SVIL: variants seen among roughly 807,000 people sequenced by gnomAD.
The protein encoded by SVIL is supervillin.
A neutral mutation model predicts 240.4 loss-of-function variants in SVIL; 101 were observed. The observed-to-expected ratio is 0.42, with a 90% confidence interval of 0.36 to 0.50. The LOEUF is 0.50. Among genes scored for constraint, SVIL ranks in the 20% least tolerant of loss-of-function variants. The probability of loss-of-function intolerance (pLI) is 0.01; values close to 1 mark genes in which losing one functional copy is unlikely to be tolerated. For missense variants in SVIL, 2,512 were observed against 2,818.7 expected (o/e 0.89, Z 2.46); for synonymous variants, 999 against 1,100.0 (o/e 0.91, Z 1.82).
In SVIL at chr10:29,569,305, G is replaced by A; in HGVS notation, c.-193C>T. 2 of 985,464 alleles carry A rather than the reference G, an allele frequency of 2.0e-6. No individual in the cohort carries two copies. Among genetic ancestry groups the A allele is most frequent in the South Asian group, 4.7e-5 (1 of 21,284 alleles). 61.0% of individuals were successfully genotyped at this position (985,464 alleles called of 1,614,324 possible). A position where few individuals can be genotyped will look rare whatever the true frequency, so the allele number is the denominator to read the frequency against. ...ATCCAAGGAAGCTTAAGTTTTTCTT[G>A]TTGAAATCTAAGGGAAAAGAAATAA... On this transcript the variant is annotated 5_prime_UTR_variant, in exon 2 of 38. Coordinates refer to ENST00000355867, the MANE Select transcript of SVIL (RefSeq NM_021738.3).
intron 6 of SVIL, among the ~76,000 whole-genome samples, chr10:29,547,803 A>G (rs1001578394): frequency 1.3e-5 from 2 of 152,224 alleles, no homozygotes; most frequent in African/African-American, 4.8e-5. Context: ...TCATGTGGCA[A>G]TCTGAAATTA....
At chr10:29,544,312 C>T (rs181889874) in intron 6 of SVIL, among the ~76,000 whole-genome samples, 1 of 152,082 alleles carries the variant, frequency 6.6e-6, no homozygotes, top group Non-Finnish European at 1.5e-5. Flanking sequence ...TGCTAATGAC[C>T]GTTCTGCAGA....
At chr10:29,715,019 GA>G (rs1452463920) in intron 1 of SVIL, among the ~76,000 whole-genome samples, 1 of 148,088 alleles carries the variant, frequency 6.8e-6, no homozygotes, top group Non-Finnish European at 1.5e-5. Flanking sequence ...AAAGACTTGA[GA>G]AACCTAAGAT....
Position 29,660,871 on chromosome 10 carries a change from A to T in SVIL, c.-300-2803T>A, listed in dbSNP as rs192377569. The stretch of plus-strand genomic sequence containing the variant: ...GAGCTCAGGGACAAAGAAGGAGTTT[A>T]AAAAGCCTGTGCCTGGGCCGGGTGT... On this transcript the variant is annotated intron_variant, in intron 2 of 35. Coordinates refer to the SVIL transcript ENST00000375400. Among the ~76,000 whole-genome samples the T allele has an allele frequency of 6.7e-4, 102 of 152,252 alleles. No individual in the cohort carries two copies. In the East Asian group the frequency reaches 0.019, roughly 28 times the overall value.
At chr10:29,488,502 T>C in intron 23 of SVIL, 99 bp downstream of exon 23, 1 of 1,356,636 alleles carries the variant, frequency 7.4e-7, no homozygotes. Context: ...TGTGCGTTCC[T>C]TTCCCGGCAC....
intron 1 of SVIL, among the ~76,000 whole-genome samples, chr10:29,607,093 T>C (rs1957057027): frequency 1.3e-5 from 2 of 152,208 alleles, no homozygotes; most frequent in Admixed American, 6.5e-5. Context: ...CCATTAGAAA[T>C]TTATCCTGGT....
chr10:29,654,417 T>C (rs896948115), intron 3 of SVIL, among the ~76,000 whole-genome samples: 5 of 152,330 alleles, frequency 3.3e-5, no homozygotes, highest in African/African-American at 1.2e-4. Flanking sequence ...TTATTAGTTT[T>C]AATAGTATGG....
Position 29,463,491 on chromosome 10 carries a change from C to G in SVIL, c.6277+1G>C. On this transcript the variant is annotated splice_donor_variant, in intron 35 of 37. Transcript: ENST00000355867. LOFTEE classifies it high-confidence loss of function. ...TGCAGGCATGTTAGAGGGAGCCTCA[C>G]CTTTGCAGTACTGGAGCACAGTCTC... is the stretch of plus-strand genomic sequence containing the variant. 1 of 1,613,648 alleles carries G rather than the reference C, an allele frequency of 6.2e-7. No homozygotes were observed. Among genetic ancestry groups the G allele is most frequent in the Non-Finnish European group, 8.5e-7 (1 of 1,179,760 alleles).
chr10:29,609,796 G>A (rs1164483525), intron 1 of SVIL, among the ~76,000 whole-genome samples: 1 of 152,206 alleles, frequency 6.6e-6, no homozygotes, highest in Non-Finnish European at 1.5e-5. Flanking sequence ...GCCAGACCCT[G>A]TGTTCACTCA....
intron 16 of SVIL, among the ~76,000 whole-genome samples, chr10:29,515,409 T>G (rs1250636164): frequency 6.6e-6 from 1 of 152,236 alleles, no homozygotes; most frequent in Non-Finnish European, 1.5e-5. Context: ...TCTCACAAAA[T>G]GAAATCATTA....
chr10:29,539,165 TAATAAATAAATA>T (rs71020796), intron 6 of SVIL, among the ~76,000 whole-genome samples: 22 of 149,086 alleles, frequency 1.5e-4, no homozygotes, highest in Admixed American at 4.0e-4. Context: ...ACTCGGCCTC[TAATAAATAAATA>T]AATAAATAAA....
intron 2 of SVIL, among the ~76,000 whole-genome samples, chr10:29,671,350 T>C (rs528640913): frequency 6.6e-6 from 1 of 152,324 alleles, no homozygotes; most frequent in East Asian, 1.9e-4. Flanking sequence ...AAGTCCTTTA[T>C]TGGTTTTCCC....
At chr10:29,494,176 A>C in intron 20 of SVIL, among the ~76,000 whole-genome samples, 1 of 144,918 alleles carries the variant, frequency 6.9e-6, no homozygotes, top group East Asian at 1.9e-4. Flanking sequence ...TCTAAAAAAC[A>C]AACAAGAAAA....
Position 29,512,657 on chromosome 10 carries a change from T to G in SVIL, c.3516+78A>C, listed in dbSNP as rs1004302207. ...AATGCTTCACAGAGTAGGAATTAGG[T>G]GGCACACGCTTGTCTTTTTGATGCA... On this transcript the variant is annotated intron_variant, in intron 17 of 37. Transcript: ENST00000355867. 20 of 1,609,264 alleles carry G rather than the reference T, an allele frequency of 1.2e-5. No homozygotes were observed. The African/African-American group carries it at 1.9e-4, about 15-fold the overall frequency.
At chr10:29,635,603 C>T (rs1390357340), upstream of SVIL, among the ~76,000 whole-genome samples, 3 of 152,160 alleles carry the variant, frequency 2.0e-5, no homozygotes, top group Admixed American at 6.5e-5. Flanking sequence ...CCAGATGAAC[C>T]TAACCTAATG....
chr10:29,660,790 G>A (rs370314502), intron 2 of SVIL, among the ~76,000 whole-genome samples: 5 of 152,278 alleles, frequency 3.3e-5, no homozygotes, highest in African/African-American at 4.8e-5. Flanking sequence ...CACAGCAATC[G>A]CCTTGGGGCT....
intron 29 of SVIL, chr10:29,475,214 A>G (rs934361640): frequency 6.6e-6 from 1 of 152,192 alleles, no homozygotes; most frequent in Non-Finnish European, 1.5e-5. Flanking sequence ...AAAATTTTGT[A>G]GAGATAGGGT....
At chr10:29,559,213 A>C (rs898521363) in intron 3 of SVIL, among the ~76,000 whole-genome samples, 4 of 151,944 alleles carry the variant, frequency 2.6e-5, no homozygotes, top group African/African-American at 7.2e-5. Context: ...ACTTCAAAAA[A>C]ATTTTTTGTA....
intron 1 of SVIL, among the ~76,000 whole-genome samples, chr10:29,624,869 ATTTACT>A (rs1158801827): frequency 6.6e-6 from 1 of 152,166 alleles, no homozygotes; most frequent in African/African-American, 2.4e-5. Flanking sequence ...ATAAATTGTA[ATTTACT>A]TTTAATGAAA....
Sources: gnomAD v4.1 joint callset for allele counts (sites outside exome capture counted in the v4.1 genomes callset) on GRCh38, gnomAD v4.1.1 for gene constraint, MANE v1.5 for transcripts, NCBI Gene and HGNC (gene_info 2026-07-23, HGNC 2026-07-21) for gene names.